Variants in GRM8 observed in about 807,000 individuals in gnomAD.
GRM8 encodes the protein metabotropic glutamate receptor 8.
A neutral mutation model predicts 87.2 loss-of-function variants in GRM8; 47 were observed. The observed-to-expected ratio is 0.54, with a 90% CI of 0.43 to 0.69. The LOEUF (loss-of-function observed/expected upper bound fraction) is 0.69, where lower values mean the gene tolerates loss of function less well. Among genes scored for constraint, GRM8 ranks in the 30% least tolerant of loss-of-function variants. The pLI, the probability that GRM8 is intolerant of heterozygous loss-of-function variation, is 0.00. For missense variants in GRM8, 1,019 were observed against 1,139.2 expected (o/e 0.89, Z 1.52); for synonymous variants, 396 against 404.5 (o/e 0.98, Z 0.25).
intron 3 of GRM8, among the ~76,000 whole-genome samples, chr7:126,978,232 G>C (rs989077959): frequency 3.3e-5 from 5 of 151,870 alleles, no homozygotes; most frequent in African/African-American, 1.2e-4. Context: ...GGAGAGGAAG[G>C]AGAGGAAAAG....
At chr7:126,591,313 T>C (rs1026555519) in intron 8 of GRM8, among the ~76,000 whole-genome samples, 32 of 152,112 alleles carry the variant, frequency 2.1e-4, no homozygotes, top group African/African-American at 7.5e-4. Flanking sequence ...AGGCCTTGTA[T>C]AACAGAAAAG....
intron 8 of GRM8, among the ~76,000 whole-genome samples, chr7:126,538,246 T>G (rs1816076499): frequency 6.6e-6 from 1 of 152,206 alleles, no homozygotes; most frequent in Non-Finnish European, 1.5e-5. Context: ...GTGCTTACAT[T>G]TTTAAATTTT....
At chr7:127,186,225 G>T (rs1477779443) in intron 2 of GRM8, among the ~76,000 whole-genome samples, 1 of 152,118 alleles carries the variant, frequency 6.6e-6, no homozygotes, top group Non-Finnish European at 1.5e-5. Context: ...ATGTCTTGGT[G>T]GGGTGAGGGG....
At chr7:127,188,261 G>C (rs546526506) in intron 2 of GRM8, among the ~76,000 whole-genome samples, 1 of 152,286 alleles carries the variant, frequency 6.6e-6, no homozygotes, top group South Asian at 2.1e-4. Flanking sequence ...CATATAACTA[G>C]TAAGTGACTG....
At chr7:126,901,378 C>T (rs1374033456) in intron 6 of GRM8, among the ~76,000 whole-genome samples, 1 of 152,176 alleles carries the variant, frequency 6.6e-6, no homozygotes, top group African/African-American at 2.4e-5. Context: ...CACATCTCAG[C>T]ATCTGAACAC....
At chr7:127,210,001 G>A (rs1796125792) in intron 2 of GRM8, among the ~76,000 whole-genome samples, 2 of 152,114 alleles carry the variant, frequency 1.3e-5, no homozygotes, top group African/African-American at 4.8e-5. Flanking sequence ...TGGGGAGCAA[G>A]CTGTTAAGTA....
At chr7:126,573,627 G>C (rs1158550083) in intron 8 of GRM8, among the ~76,000 whole-genome samples, 1 of 150,200 alleles carries the variant, frequency 6.7e-6, no homozygotes, top group Non-Finnish European at 1.5e-5. Context: ...CTCTATCACT[G>C]AGACTAGAAT....
intron 9 of GRM8, 90 bp downstream of exon 9, chr7:126,532,862 A>C: frequency 1.5e-6 from 1 of 667,542 alleles, no homozygotes; most frequent in Non-Finnish European, 2.6e-6. Context: ...TTTAGAGAAT[A>C]TAAGTGAACC....
intron 6 of GRM8, among the ~76,000 whole-genome samples, chr7:126,833,669 T>A (rs1160934314): frequency 6.6e-6 from 1 of 152,182 alleles, no homozygotes; most frequent in Non-Finnish European, 1.5e-5. Flanking sequence ...CCCACCTTCA[T>A]GACTTCAGCT....
At chr7:126,920,853 C>T (rs916688453) in intron 3 of GRM8, among the ~76,000 whole-genome samples, 2 of 151,474 alleles carry the variant, frequency 1.3e-5, no homozygotes, top group African/African-American at 4.8e-5. Context: ...CACTAAACCC[C>T]ATACAGAAAA....
chr7:126,583,172 A>C (rs1430370604), intron 8 of GRM8, among the ~76,000 whole-genome samples: 2 of 152,126 alleles, frequency 1.3e-5, no homozygotes, highest in Non-Finnish European at 2.9e-5. Context: ...CCTGGCCAAC[A>C]TGGTGAAACC....
intron 7 of GRM8, among the ~76,000 whole-genome samples, chr7:126,626,531 T>C (rs374299140): frequency 6.6e-6 from 1 of 152,204 alleles, no homozygotes; most frequent in East Asian, 1.9e-4. Flanking sequence ...TTCTATTTTA[T>C]ATCTAAGATC....
chr7:126,502,129 T>C (rs1288197707), intron 9 of GRM8, among the ~76,000 whole-genome samples: 1 of 151,950 alleles, frequency 6.6e-6, no homozygotes, highest in Non-Finnish European at 1.5e-5. Context: ...ATGTTTGGGA[T>C]GCAAAGGCTA....
intron 6 of GRM8, among the ~76,000 whole-genome samples, chr7:126,819,275 TACAC>T (rs3038867): frequency 6.7e-5 from 10 of 148,228 alleles, no homozygotes; most frequent in South Asian, 2.2e-4. Context: ...CAGACACACA[TACAC>T]ACACACACAC....
At chr7:126,580,476 T>G (rs1325483493) in intron 8 of GRM8, among the ~76,000 whole-genome samples, 1 of 152,118 alleles carries the variant, frequency 6.6e-6, no homozygotes. Flanking sequence ...AATCTCTTTC[T>G]TCTGCATTCT....
At chr7:127,183,600 AAT>A in intron 2 of GRM8, among the ~76,000 whole-genome samples, 1 of 151,916 alleles carries the variant, frequency 6.6e-6, no homozygotes, top group Non-Finnish European at 1.5e-5. Flanking sequence ...ACATAAAATC[AAT>A]AGTCTAAACT....
chr7:126,634,324 C>A (rs1379595736), intron 7 of GRM8, among the ~76,000 whole-genome samples: 1 of 152,124 alleles, frequency 6.6e-6, no homozygotes, highest in Non-Finnish European at 1.5e-5. Context: ...TCCTGCAGTG[C>A]CACATAAAAT....
At chr7:126,494,018 T>C (rs1485226219) in intron 9 of GRM8, among the ~76,000 whole-genome samples, 1 of 151,858 alleles carries the variant, frequency 6.6e-6, no homozygotes, top group Non-Finnish European at 1.5e-5. Flanking sequence ...TGATAATGAG[T>C]CTCAAGAATC....
At chr7:126,937,390 A>G (rs1806448605) in intron 3 of GRM8, among the ~76,000 whole-genome samples, 1 of 152,184 alleles carries the variant, frequency 6.6e-6, no homozygotes. Flanking sequence ...CGGGTATTAC[A>G]TTGCCAAAGA....
Sources: gnomAD v4.1 joint callset for allele counts (sites outside exome capture counted in the v4.1 genomes callset) on GRCh38, gnomAD v4.1.1 for gene constraint, MANE v1.5 for transcripts, NCBI Gene and HGNC (gene_info 2026-07-23, HGNC 2026-07-21) for gene names.